Variants in ZMIZ1 observed in about 807,000 individuals in gnomAD.
ZMIZ1 encodes zinc finger MIZ-type containing 1.
ZMIZ1 carries 17 observed loss-of-function variants against 113.9 expected under a neutral mutation model. The observed-to-expected ratio is 0.15, with a 90% CI of 0.10 to 0.22. ZMIZ1 has a LOEUF of 0.22. Ranked by LOEUF, ZMIZ1 falls within the 10% of genes least tolerant of loss-of-function variation. The probability of loss-of-function intolerance (pLI) is 1.00; values close to 1 mark genes in which losing one functional copy is unlikely to be tolerated. For missense variants in ZMIZ1, 1,059 were observed against 1,477.8 expected, an observed-to-expected ratio of 0.72 and a Z score of 4.65; for synonymous variants, 607 against 603.1, an observed-to-expected ratio of 1.01 and a Z score of -0.09.
At chr10:79,311,263 AG>A in intron 24 of ZMIZ1, 79 bp downstream of exon 24, 1 of 708,406 alleles carries the variant, frequency 1.4e-6, no homozygotes. Context: ...GGTGGGTGTG[AG>A]GGCTCGAGGC....
chr10:79,072,390 G>A (rs4641401), intron 1 of ZMIZ1, among the ~76,000 whole-genome samples: 15,001 of 152,246 alleles, frequency 0.099, 935 homozygotes, highest in African/African-American at 0.18. Context: ...GAAAATTGCA[G>A]GGGCAAGGAC....
intron 1 of ZMIZ1, among the ~76,000 whole-genome samples, chr10:79,094,100 G>A (rs1025604371): frequency 1.5e-4 from 23 of 152,228 alleles, no homozygotes; most frequent in Non-Finnish European, 2.5e-4. Flanking sequence ...TGTTCCACAC[G>A]TCACAGCTGC....
At chr10:79,188,827 A>G (rs1847468709) in intron 4 of ZMIZ1, among the ~76,000 whole-genome samples, 1 of 152,236 alleles carries the variant, frequency 6.6e-6, no homozygotes, top group South Asian at 2.1e-4. Context: ...AGTAACACTG[A>G]GAAAAGCCAG....
intron 2 of ZMIZ1, among the ~76,000 whole-genome samples, chr10:79,122,978 C>T (rs1844362812): frequency 1.3e-5 from 2 of 152,240 alleles, no homozygotes; most frequent in Admixed American, 1.3e-4. Flanking sequence ...GAGGTCCAGC[C>T]AGCTAGAGCA....
At chr10:79,093,778 G>A (rs1843072718) in intron 1 of ZMIZ1, among the ~76,000 whole-genome samples, 3 of 152,164 alleles carry the variant, frequency 2.0e-5, no homozygotes, top group Admixed American at 6.5e-5. Context: ...ATGCCCTTGC[G>A]TGCCTCTTCA....
intron 3 of ZMIZ1, among the ~76,000 whole-genome samples, chr10:79,156,488 G>C (rs1227480138): frequency 4.6e-5 from 7 of 152,200 alleles, no homozygotes; most frequent in Non-Finnish European, 1.5e-5. Context: ...GGTCAGCCCA[G>C]AGCTGCCTGT....
rs1046850631 is a variant in ZMIZ1 at position 79,196,371 on chromosome 10, C to G, written c.-49-5213C>G. Among the ~76,000 whole-genome samples the G allele has an allele frequency of 2.0e-5, 3 of 152,354 alleles. No homozygotes were observed. The East Asian group carries it at 5.8e-4, about 29-fold the overall frequency. On this transcript the variant is annotated intron_variant, in intron 4 of 24. Coordinates refer to ENST00000334512, the MANE Select transcript of ZMIZ1 (RefSeq NM_020338.4). Reference sequence around the variant, plus strand: ...CAGCCCTGCCTGGGAGCAAAGCCCCCCTGGGACCTGGACCCAGCCCAGTGC... The same window carrying G: ...CAGCCCTGCCTGGGAGCAAAGCCCCGCTGGGACCTGGACCCAGCCCAGTGC...
chr10:79,223,933 G>T (rs1336738725), intron 7 of ZMIZ1, among the ~76,000 whole-genome samples: 1 of 152,198 alleles, frequency 6.6e-6, no homozygotes. Context: ...CAAGGAATTG[G>T]GGGGAGGGGC....
intron 8 of ZMIZ1, among the ~76,000 whole-genome samples, chr10:79,281,618 C>T (rs1852743026): frequency 6.6e-6 from 1 of 152,228 alleles, no homozygotes; most frequent in Non-Finnish European, 1.5e-5. Flanking sequence ...GGCACTTACT[C>T]TTTGGGCCAT....
In ZMIZ1 at chr10:79,072,246, A is replaced by G. The variant is rs916035373; in HGVS notation, c.-337+2976A>G. 2.0e-5 allele frequency among the ~76,000 whole-genome samples: 3 copies of G among 152,212 alleles called. No individual in the cohort carries two copies. The South Asian group carries it at 6.2e-4, about 32-fold the overall frequency. ...TCCAGAGACTGCGGGGTTTGGCGAC[A>G]GAACCAGTTTCTCCCTCACGCACGC... On this transcript the variant is annotated intron_variant, in intron 1 of 24. Coordinates refer to ENST00000334512, the MANE Select transcript of ZMIZ1 (RefSeq NM_020338.4).
chr10:79,256,036 C>T (rs1278983638), intron 7 of ZMIZ1, among the ~76,000 whole-genome samples: 2 of 152,184 alleles, frequency 1.3e-5, no homozygotes, highest in Non-Finnish European at 2.9e-5. Context: ...AGGGTCCCCA[C>T]TGGGAGCCCC....
chr10:79,225,526 T>C (rs1849164866), intron 7 of ZMIZ1, among the ~76,000 whole-genome samples: 1 of 151,938 alleles, frequency 6.6e-6, no homozygotes, highest in Admixed American at 6.6e-5. Flanking sequence ...GCCCAGGAGT[T>C]TGAGACCAGC....
rs1370046036 is a variant in ZMIZ1, at chr10:79,305,234, G to A, written c.2354+3G>A. 1.2e-6 allele frequency: 2 copies of A among 1,614,036 alleles called. No individual in the cohort carries two copies. The highest frequency in any genetic ancestry group is 2.2e-5 in the East Asian group (1 of 44,880). On this transcript the variant is annotated splice_donor_region_variant and intron_variant, in intron 20 of 24. Transcript: ENST00000334512. The stretch of plus-strand genomic sequence containing the variant: ...ACCTGGAGGTGTCCTGTGTGCAAGT[G>A]AGTGATGCCCACCCCGGTGGGGGCT...
intron 1 of ZMIZ1, among the ~76,000 whole-genome samples, chr10:79,112,213 G>T (rs192717202): frequency 6.6e-6 from 1 of 152,276 alleles, no homozygotes; most frequent in East Asian, 1.9e-4. Flanking sequence ...TGGGTTGTAG[G>T]GTCGCTTGCC....
intron 3 of ZMIZ1, among the ~76,000 whole-genome samples, chr10:79,141,827 C>T (rs1219958141): frequency 6.6e-6 from 1 of 152,130 alleles, no homozygotes; most frequent in African/African-American, 2.4e-5. Flanking sequence ...GGGAGGATGT[C>T]AGGATAGGGG....
chr10:79,087,428 C>G (rs768278223), intron 1 of ZMIZ1, among the ~76,000 whole-genome samples: 9 of 152,270 alleles, frequency 5.9e-5, no homozygotes, highest in Non-Finnish European at 1.3e-4. Flanking sequence ...ATTCCCCTGC[C>G]CAGAGCATGG....
At chr10:79,138,549 T>C (rs1478580576) in intron 2 of ZMIZ1, among the ~76,000 whole-genome samples, 1 of 152,160 alleles carries the variant, frequency 6.6e-6, no homozygotes. Flanking sequence ...TCTTGCCCAG[T>C]GCTAGAAAGA....
chr10:79,117,585 G>A (rs559841306), intron 1 of ZMIZ1, among the ~76,000 whole-genome samples: 2 of 152,312 alleles, frequency 1.3e-5, no homozygotes, highest in South Asian at 2.1e-4. Context: ...GCCTTGCTAC[G>A]AGCATTCTAA....
chr10:79,254,997 G>A (rs561477908), intron 7 of ZMIZ1, among the ~76,000 whole-genome samples: 45 of 152,336 alleles, frequency 3.0e-4, no homozygotes, highest in Admixed American at 5.2e-4. Flanking sequence ...CTCGCACCCC[G>A]CAGGGCTGTG....
Sources: allele counts gnomAD v4.1 joint callset (sites outside exome capture counted in the v4.1 genomes callset), GRCh38; gene constraint gnomAD v4.1.1; transcripts MANE v1.5; gene names NCBI Gene and HGNC (gene_info 2026-07-23, HGNC 2026-07-21).